The following MAGI1 variants were observed in gnomAD, a reference collection of about 807,000 sequenced individuals.
MAGI1 encodes membrane associated guanylate kinase, WW and PDZ domain containing 1.
A neutral mutation model predicts 139.9 loss-of-function variants in MAGI1; 58 were observed. That is an observed-to-expected ratio of 0.41 (90% CI 0.34 to 0.52). The LOEUF (loss-of-function observed/expected upper bound fraction) is 0.52, where lower values mean the gene tolerates loss of function less well. MAGI1 is among the 20% of genes least tolerant of loss of function. MAGI1 has a pLI of 0.12. For missense variants in MAGI1, 1,874 were observed against 1,901.6 expected (o/e 0.99, Z 0.27); for synonymous variants, 812 against 737.9 (o/e 1.10, Z -1.63).
At chr3:65,565,341 A>T (rs75053107) in intron 2 of MAGI1, among the ~76,000 whole-genome samples, 4 of 152,204 alleles carry the variant, frequency 2.6e-5, no homozygotes, top group African/African-American at 9.7e-5. Context: ...CAAACCTAGT[A>T]TGTCAATACT....
rs772295135 is a variant in MAGI1, at chr3:65,379,366, T to TGCTGACCACGCC, written c.2878_2889dup (p.Gly960_Ser963dup). ...TCCACGTCGTAGGGCTGCACCACGG[T>TGCTGACCACGCC]GCTGACCACGCCGCTGCCCCCGCCG... On this transcript the variant is annotated inframe_insertion, in exon 17 of 23. Coordinates refer to ENST00000402939, the MANE Select transcript of MAGI1 (RefSeq NM_001033057.2). 6.2e-6 allele frequency: 10 copies of TGCTGACCACGCC among 1,612,840 alleles called. No homozygotes were observed. The South Asian group carries it at 1.1e-4, about 18-fold the overall frequency.
intron 1 of MAGI1, among the ~76,000 whole-genome samples, chr3:65,783,933 A>G (rs982471337): frequency 1.6e-4 from 25 of 152,156 alleles, no homozygotes; most frequent in Admixed American, 1.6e-3. Flanking sequence ...GACCAGCCTG[A>G]CCAACACAGT....
chr3:65,599,308 C>T (rs1399131278), intron 2 of MAGI1, among the ~76,000 whole-genome samples: 2 of 152,126 alleles, frequency 1.3e-5, no homozygotes. Flanking sequence ...ACAGATCTTT[C>T]CTTCGAATGC....
chr3:65,762,950 T>C (rs2037156576), intron 1 of MAGI1, among the ~76,000 whole-genome samples: 1 of 152,162 alleles, frequency 6.6e-6, no homozygotes, highest in South Asian at 2.1e-4. Context: ...CATTGCAACA[T>C]AATCTGGAAC....
intron 1 of MAGI1, among the ~76,000 whole-genome samples, chr3:65,650,534 G>A (rs1236578149): frequency 6.6e-6 from 1 of 152,182 alleles, no homozygotes; most frequent in Admixed American, 6.6e-5. Flanking sequence ...TGCCAAATGG[G>A]GGCCTTCTGT....
At chr3:65,475,722 G>C (rs1014174803) in intron 4 of MAGI1, among the ~76,000 whole-genome samples, 9 of 151,986 alleles carry the variant, frequency 5.9e-5, no homozygotes, top group Non-Finnish European at 1.3e-4. Context: ...TCCATGGTGA[G>C]CATCTGGGAT....
chr3:65,635,431 A>G (rs1208113523), intron 1 of MAGI1, among the ~76,000 whole-genome samples: 1 of 152,198 alleles, frequency 6.6e-6, no homozygotes, highest in Non-Finnish European at 1.5e-5. Flanking sequence ...TCTCAATATA[A>G]AAACCAAAGA....
At chr3:65,850,925 G>T (rs575163049) in intron 1 of MAGI1, among the ~76,000 whole-genome samples, 1 of 152,214 alleles carries the variant, frequency 6.6e-6, no homozygotes. Flanking sequence ...TGGCCAACAT[G>T]GTGAAACCCT....
chr3:65,491,975 C>G (rs1952067545), intron 3 of MAGI1, among the ~76,000 whole-genome samples: 1 of 152,150 alleles, frequency 6.6e-6, no homozygotes, highest in Non-Finnish European at 1.5e-5. Flanking sequence ...CAGAAACAGC[C>G]ATCTCTAAGA....
At chr3:65,885,660 C>G (rs1308349536) in intron 1 of MAGI1, among the ~76,000 whole-genome samples, 3 of 152,078 alleles carry the variant, frequency 2.0e-5, no homozygotes, top group East Asian at 1.9e-4. Context: ...TTATAAAGGG[C>G]AGTTCCCCTG....
intron 1 of MAGI1, among the ~76,000 whole-genome samples, chr3:65,662,683 A>T (rs1288141156): frequency 7.2e-5 from 11 of 152,168 alleles, no homozygotes; most frequent in Non-Finnish European, 1.5e-5. Flanking sequence ...CATAGCCATC[A>T]TCTCACATAG....
chr3:66,001,337 A>G (rs1285228537), intron 1 of MAGI1, among the ~76,000 whole-genome samples: 2 of 152,180 alleles, frequency 1.3e-5, no homozygotes, highest in East Asian at 1.9e-4. Flanking sequence ...AAGATATATA[A>G]TATCTAAAAA....
intron 1 of MAGI1, among the ~76,000 whole-genome samples, chr3:65,853,958 A>C (rs1273743031): frequency 2.6e-5 from 4 of 152,098 alleles, no homozygotes; most frequent in Non-Finnish European, 4.4e-5. Flanking sequence ...TACAAAAAAA[A>C]TTAGCCGGGT....
chr3:65,364,239 C>T (rs536721675), intron 20 of MAGI1, among the ~76,000 whole-genome samples: 12 of 149,000 alleles, frequency 8.1e-5, no homozygotes, highest in African/African-American at 3.0e-4. Flanking sequence ...AAATTTGTTT[C>T]ACCTGCTAGT....
chr3:65,933,722 A>G (rs1197447528), intron 1 of MAGI1, among the ~76,000 whole-genome samples: 2 of 152,234 alleles, frequency 1.3e-5, no homozygotes, highest in Non-Finnish European at 2.9e-5. Context: ...CCAAAGTTAC[A>G]CTAAATATAG....
intron 1 of MAGI1, among the ~76,000 whole-genome samples, chr3:65,970,089 C>T (rs907202158): frequency 6.6e-6 from 1 of 152,160 alleles, no homozygotes; most frequent in South Asian, 2.1e-4. Flanking sequence ...AGAAGCAACC[C>T]ACTGTCCATC....
chr3:65,623,911 A>G (rs1330883850), intron 1 of MAGI1, among the ~76,000 whole-genome samples: 2 of 152,192 alleles, frequency 1.3e-5, no homozygotes, highest in African/African-American at 4.8e-5. Flanking sequence ...TCAAGTATTT[A>G]CTGAATGAAG....
chr3:65,977,155 G>C (rs960091977), intron 1 of MAGI1, among the ~76,000 whole-genome samples: 3 of 152,080 alleles, frequency 2.0e-5, no homozygotes, highest in Non-Finnish European at 2.9e-5. Context: ...TTGTGCTTTA[G>C]GCATCTCAAC....
intron 1 of MAGI1, among the ~76,000 whole-genome samples, chr3:65,702,953 C>G (rs970924698): frequency 6.6e-6 from 1 of 151,976 alleles, no homozygotes; most frequent in African/African-American, 2.4e-5. Flanking sequence ...AGATGCAGGA[C>G]TACCCCCTGC....
Sources: gnomAD v4.1 joint callset for allele counts (sites outside exome capture counted in the v4.1 genomes callset) on GRCh38, gnomAD v4.1.1 for gene constraint, MANE v1.5 for transcripts, NCBI Gene and HGNC (gene_info 2026-07-23, HGNC 2026-07-21) for gene names.